The following HCRTR2 variants were observed in gnomAD, a reference collection of about 807,000 sequenced individuals.
HCRTR2 encodes the protein orexin receptor type 2.
In HCRTR2, 22 loss-of-function variants were observed where a neutral mutation model predicts 49.0. The observed-to-expected ratio is 0.45, with a 90% CI of 0.32 to 0.64. HCRTR2 has a LOEUF of 0.64. HCRTR2 is among the 30% of genes least tolerant of loss of function. The pLI is 0.04. For synonymous variants in HCRTR2, 236 were observed against 205.3 expected (o/e 1.15, Z -1.28); for missense variants, 491 against 559.4 (o/e 0.88, Z 1.23).
chr6:55,118,798 T>A (rs188206257), intron 1 of HCRTR2, among the ~76,000 whole-genome samples: 111 of 151,830 alleles, frequency 7.3e-4, no homozygotes, highest in African/African-American at 2.2e-3. Context: ...TATTCTTTTT[T>A]AAATTATACT....
intron 4 of HCRTR2, among the ~76,000 whole-genome samples, chr6:55,269,087 C>CAAAAAAAA (rs1158724252): frequency 1.6e-4 from 9 of 55,416 alleles, no homozygotes; most frequent in African/African-American, 2.0e-4. Flanking sequence ...GACTCCGTCT[C>CAAAAAAAA]AAAAAAAAAA....
chr6:55,270,837 A>G (rs1276907287), intron 4 of HCRTR2, among the ~76,000 whole-genome samples: 1 of 152,192 alleles, frequency 6.6e-6, no homozygotes, highest in African/African-American at 2.4e-5. Context: ...GATAAGGGAT[A>G]TTCAATCGGT....
intron 5 of HCRTR2, among the ~76,000 whole-genome samples, chr6:55,278,623 A>C (rs1002753653): frequency 1.3e-5 from 2 of 152,054 alleles, no homozygotes; most frequent in Admixed American, 6.6e-5. Flanking sequence ...AGCCTTAAAG[A>C]TATATGATTT....
intron 4 of HCRTR2, 168 bp downstream of exon 4, chr6:55,263,990 T>A (rs1766817924): frequency 6.4e-6 from 4 of 622,462 alleles, no homozygotes; most frequent in Non-Finnish European, 1.2e-5. Context: ...TTATATTGTG[T>A]GTTCTTTTAA....
chr6:55,203,078 A>G (rs1765539181), intron 1 of HCRTR2, among the ~76,000 whole-genome samples: 1 of 152,182 alleles, frequency 6.6e-6, no homozygotes, highest in Admixed American at 6.5e-5. Context: ...TTACCGTTAC[A>G]TCAAATTAGA....
intron 1 of HCRTR2, among the ~76,000 whole-genome samples, chr6:55,149,368 G>A (rs1764634692): frequency 6.6e-6 from 1 of 152,030 alleles, no homozygotes; most frequent in Admixed American, 6.6e-5. Flanking sequence ...TTTTCTCTGA[G>A]ACAGTGCAGA....
rs191895186 is a variant in HCRTR2 at position 55,148,829 on chromosome 6, G to A, written c.-377-25382G>A. On this transcript the variant is annotated intron_variant, in intron 1 of 7. Coordinates refer to the HCRTR2 transcript ENST00000615358. ...TTATTTCATGCTTAAACACATATGGGAATCACAAAATTTTAAGAACCAGCA... is the reference window on the plus strand; with the variant it reads ...TTATTTCATGCTTAAACACATATGGAAATCACAAAATTTTAAGAACCAGCA... Among the ~76,000 whole-genome samples the A allele has an allele frequency of 3.7e-4, 56 of 152,136 alleles. 1 individual carries two copies. The East Asian group carries it at 9.5e-3, about 26-fold the overall frequency.
downstream of HCRTR2, among the ~76,000 whole-genome samples, chr6:55,284,142 A>G (rs1767242675): frequency 6.6e-6 from 1 of 152,180 alleles, no homozygotes; most frequent in Non-Finnish European, 1.5e-5. Flanking sequence ...ATGCCTTAAT[A>G]GCCAGTAATA....
intron 1 of HCRTR2, among the ~76,000 whole-genome samples, chr6:55,163,676 A>T (rs960865496): frequency 6.6e-6 from 1 of 152,218 alleles, no homozygotes; most frequent in Non-Finnish European, 1.5e-5. Context: ...TAAGAACCCT[A>T]GAAGAAAACC....
chr6:55,212,035 G>T lies in HCRTR2; in HGVS notation c.224-36604G>T, dbSNP rs576806918. Among the ~76,000 whole-genome samples, 6 of 152,246 alleles carry T rather than the reference G, an allele frequency of 3.9e-5. No homozygotes were observed. The South Asian group carries it at 1.2e-3, about 32-fold the overall frequency. ...GTGCTCAAGAACAACAACAAAAAGT[G>T]TTACATTAATAAACACACACACATA... On this transcript the variant is annotated intron_variant, in intron 1 of 6. Coordinates refer to ENST00000370862, the MANE Select transcript of HCRTR2 (RefSeq NM_001384272.1).
chr6:55,133,606 C>G (rs975086560), intron 1 of HCRTR2, among the ~76,000 whole-genome samples: 1 of 151,776 alleles, frequency 6.6e-6, no homozygotes, highest in Non-Finnish European at 1.5e-5. Context: ...AAACATTGTA[C>G]GTTCTAAGAA....
chr6:55,256,113 T>G (rs1419122661), intron 3 of HCRTR2, among the ~76,000 whole-genome samples: 1 of 152,082 alleles, frequency 6.6e-6, no homozygotes, highest in Non-Finnish European at 1.5e-5. Flanking sequence ...CACCTGGTGC[T>G]AGCACAAATC....
intron 1 of HCRTR2, among the ~76,000 whole-genome samples, chr6:55,109,041 G>A (rs543718275): frequency 5.9e-5 from 9 of 152,208 alleles, no homozygotes; most frequent in African/African-American, 2.2e-4. Flanking sequence ...GGTATCCACG[G>A]CTGAGGGACC....
chr6:55,225,337 T>C (rs548695809), intron 1 of HCRTR2, among the ~76,000 whole-genome samples: 1 of 152,294 alleles, frequency 6.6e-6, no homozygotes, highest in East Asian at 1.9e-4. Flanking sequence ...CTAGTTATTA[T>C]TTTAGCCCTG....
intron 5 of HCRTR2, 58 bp from the exon 6 acceptor site, chr6:55,280,264 TG>T (rs1322739282): frequency 5.2e-6 from 6 of 1,144,624 alleles, no homozygotes. Context: ...CCAATAGCCT[TG>T]TTCACCTTTG....
intron 1 of HCRTR2, among the ~76,000 whole-genome samples, chr6:55,188,015 C>T (rs1006191477): frequency 2.6e-5 from 4 of 152,072 alleles, no homozygotes; most frequent in Non-Finnish European, 4.4e-5. Context: ...ATCTCCTGAC[C>T]TCGTGATCCA....
In HCRTR2 at chr6:55,255,314, G is replaced by C. The variant is rs773107785; in HGVS notation, c.581G>C (p.Ser194Thr). 1.2e-6 allele frequency: 2 copies of C among 1,613,972 alleles called. No individual in the cohort carries two copies. The highest frequency in any genetic ancestry group is 1.7e-6 in the Non-Finnish European group (2 of 1,179,916). Residue 194 changes from serine to threonine, a missense_variant, in exon 3 of 7, where the codon AGC (serine) becomes ACC (threonine). Transcript: ENST00000370862. ...MIPQAIVMEC[S>T]TVFPGLANKT... The stretch of plus-strand genomic sequence containing the variant: ...CCTCAGGCCATCGTCATGGAGTGCA[G>C]CACCGTGTTCCCAGGCTTAGCCAAT...
At chr6:55,260,570 A>G (rs1766735704) in intron 3 of HCRTR2, among the ~76,000 whole-genome samples, 1 of 152,110 alleles carries the variant, frequency 6.6e-6, no homozygotes, top group Non-Finnish European at 1.5e-5. Flanking sequence ...TGACACCTCA[A>G]ATTGGTCTCT....
intron 3 of HCRTR2, among the ~76,000 whole-genome samples, chr6:55,261,190 C>T (rs936626345): frequency 3.3e-5 from 5 of 151,962 alleles, no homozygotes; most frequent in African/African-American, 1.2e-4. Context: ...TATTCGAATA[C>T]AAGTACAAAA....
Sources: gnomAD v4.1 joint callset for allele counts (sites outside exome capture counted in the v4.1 genomes callset) on GRCh38, gnomAD v4.1.1 for gene constraint, MANE v1.5 for transcripts, NCBI Gene and HGNC (gene_info 2026-07-23, HGNC 2026-07-21) for gene names.